Variants in ELL2 observed in about 807,000 individuals in gnomAD.
The protein encoded by ELL2 is RNA polymerase II elongation factor ELL2.
ELL2 carries 21 observed loss-of-function variants against 72.8 expected under a neutral mutation model. That is an observed-to-expected ratio of 0.29 (90% CI 0.20 to 0.42). The LOEUF (loss-of-function observed/expected upper bound fraction) is 0.42. ELL2 is among the 10% of genes least tolerant of loss of function. The pLI, the probability that ELL2 is intolerant of heterozygous loss-of-function variation, is 1.00. For synonymous variants in ELL2, 266 were observed against 283.2 expected, an observed-to-expected ratio of 0.94 and a Z score of 0.61; for missense variants, 568 against 772.8, an observed-to-expected ratio of 0.73 and a Z score of 3.14.
chr5:95,891,191 A>G lies in ELL2; in HGVS notation c.1673T>C (p.Leu558Ser). The G allele has an allele frequency of 6.2e-7, 1 of 1,614,198 alleles. No individual in the cohort carries two copies. The highest frequency in any genetic ancestry group is 8.5e-7 in the Non-Finnish European group (1 of 1,180,034). ...FNAEYDEYRA[L>S]HARMETVARR... ...AGCTACAGTCTCCATCCTGGCATGCAAAGCTCTGTACTCATCATACTCTGC... is the reference window on the plus strand; with the variant it reads ...AGCTACAGTCTCCATCCTGGCATGCGAAGCTCTGTACTCATCATACTCTGC... The change falls in exon 10 of 12, where the codon TTG becomes TCG. Residue 558 changes from leucine (L) to serine (S), a missense_variant. Coordinates refer to ENST00000237853, the MANE Select transcript of ELL2 (RefSeq NM_012081.6).
At chr5:95,950,904 G>GTATATATATATATA (rs869036736) in intron 1 of ELL2, among the ~76,000 whole-genome samples, 3 of 46,608 alleles carry the variant, frequency 6.4e-5, no homozygotes, top group African/African-American at 1.4e-4. Context: ...GTATGTATGT[G>GTATATATATATATA]TATATATATA....
rs1035837642 is a variant in ELL2, at chr5:95,898,561, G to C, written c.1204C>G (p.Pro402Ala). 6.2e-7 allele frequency: 1 copy of C among 1,613,926 alleles called. No individual in the cohort carries two copies. The highest frequency in any genetic ancestry group is 8.5e-7 in the Non-Finnish European group (1 of 1,180,034). Residue 402 changes from proline to alanine, a missense_variant, in exon 8 of 12, where the codon CCA becomes GCA. This residue lies in a region of ELL2 where 511 missense variants were observed against 728.4 expected (regional missense o/e 0.70). Transcript: ENST00000237853. The stretch of plus-strand genomic sequence containing the variant: ...AGGTCTTGAGTCCCCCGGCCTTCTG[G>C]AGTGCTAGGGGAGTTGGAGTTAGAA... The part of the protein sequence containing the change: ...VNSNSNSPST[P>A]EGRGTQDLPV...
intron 2 of ELL2, among the ~76,000 whole-genome samples, chr5:95,940,889 C>T (rs1459178575): frequency 6.6e-6 from 1 of 152,080 alleles, no homozygotes; most frequent in African/African-American, 2.4e-5. Flanking sequence ...TCCCTGTGGG[C>T]TGTGCCAACC....
chr5:95,914,052 C>T, intron 3 of ELL2, 118 bp from the exon 4 acceptor site: 1 of 822,582 alleles, frequency 1.2e-6, no homozygotes, highest in Non-Finnish European at 1.7e-6. Context: ...CCTAAAATAA[C>T]TAATATTAAT....
Position 95,886,992 on chromosome 5 carries a change from A to G in ELL2, c.*1879T>C, listed in dbSNP as rs532854279. ...GAACCACTCAGGAGACTCTATCATA[A>G]TAATATGATGCCTGAATTTATCCCC... is the stretch of plus-strand genomic sequence containing the variant. On this transcript the variant is annotated 3_prime_UTR_variant, in exon 12 of 12. Coordinates refer to ENST00000237853, the MANE Select transcript of ELL2 (RefSeq NM_012081.6). 9.8e-5 allele frequency: 15 copies of G among 152,342 alleles called. No homozygotes were observed. The East Asian group carries it at 2.9e-3, about 29-fold the overall frequency. 9.4% of individuals were successfully genotyped at this position (152,342 alleles called of 1,614,324 possible). A position where few individuals can be genotyped will look rare whatever the true frequency, so the allele number is the denominator to read the frequency against.
At chr5:95,915,676 C>G (rs1749765165) in intron 3 of ELL2, among the ~76,000 whole-genome samples, 1 of 152,194 alleles carries the variant, frequency 6.6e-6, no homozygotes, top group Non-Finnish European at 1.5e-5. Context: ...CTCACCTGGA[C>G]TTCCCAGAGG....
Position 95,905,255 on chromosome 5 carries a change from G to GTA in ELL2, c.741+1266_741+1267dup, listed in dbSNP as rs1268293376. 7.1e-3 allele frequency among the ~76,000 whole-genome samples: 998 copies of GTA among 140,048 alleles called. 9 individuals are homozygous for GTA. Among genetic ancestry groups the GTA allele is most frequent in the Middle Eastern group, 0.011 (3 of 278 alleles). The allele number at this position is 140,048 out of a possible 152,430, so 91.9% of individuals were successfully genotyped here. The stretch of plus-strand genomic sequence containing the variant: ...GATACGCGCACACACACACACACAC[G>GTA]TATATATATATATATTTAGATATCT... On this transcript the variant is annotated intron_variant, in intron 5 of 11. Coordinates refer to ENST00000237853, the MANE Select transcript of ELL2 (RefSeq NM_012081.6).
At chr5:95,907,933 C>A (rs1429581918) in intron 4 of ELL2, among the ~76,000 whole-genome samples, 2 of 152,312 alleles carry the variant, frequency 1.3e-5, no homozygotes, top group East Asian at 3.9e-4. Flanking sequence ...CCATGCTGGG[C>A]TCCCCAGGCC....
intron 5 of ELL2, 136 bp from the exon 6 acceptor site, chr5:95,901,216 T>C (rs917976409): frequency 9.1e-6 from 8 of 875,312 alleles, no homozygotes; most frequent in Non-Finnish European, 1.3e-5. Context: ...TTGTATTATA[T>C]GCCAGATCTC....
At chr5:95,937,464 T>C (rs1232766418) in intron 2 of ELL2, among the ~76,000 whole-genome samples, 1 of 150,404 alleles carries the variant, frequency 6.6e-6, no homozygotes, top group African/African-American at 2.5e-5. Context: ...TTTTAAAAAA[T>C]GTGCACTCTA....
At chr5:95,914,012 TA>T in intron 3 of ELL2, 78 bp from the exon 4 acceptor site, 1 of 1,338,852 alleles carries the variant, frequency 7.5e-7, no homozygotes, top group Non-Finnish European at 9.8e-7. Context: ...TATATAATCC[TA>T]AAATCAGCAG....
In ELL2 at chr5:95,895,316, C is replaced by G. The variant is rs190765714; in HGVS notation, c.1589+312G>C. Among the ~76,000 whole-genome samples, 370 of 152,354 alleles carry G rather than the reference C, an allele frequency of 2.4e-3. 3 individuals are homozygous for G. Among genetic ancestry groups the G allele is most frequent in the Middle Eastern group, 0.01 (3 of 294 alleles). Reference sequence around the variant, plus strand: ...AATGACTGTGCATTGATAAGACTGTCAGCTTTGAAGAGTCAGATCCCTAAA... The same window carrying G: ...AATGACTGTGCATTGATAAGACTGTGAGCTTTGAAGAGTCAGATCCCTAAA... On this transcript the variant is annotated intron_variant, in intron 9 of 11. Transcript: ENST00000237853.
chr5:95,927,798 C>A (rs530178158), intron 2 of ELL2, among the ~76,000 whole-genome samples: 7 of 57,174 alleles, frequency 1.2e-4, no homozygotes, highest in Non-Finnish European at 2.0e-4. Flanking sequence ...TAGACATACA[C>A]ACACACATAT....
Position 95,888,756 on chromosome 5 carries a change from A to T in ELL2, c.*115T>A. 1.5e-6 allele frequency: 1 copy of T among 686,570 alleles called. No homozygotes were observed. Among genetic ancestry groups the T allele is most frequent in the Non-Finnish European group, 2.3e-6 (1 of 437,352 alleles). The allele number at this position is 686,570 out of a possible 1,614,324, so 42.5% of individuals were successfully genotyped here. A position where few individuals can be genotyped will look rare whatever the true frequency, so the allele number is the denominator to read the frequency against. On this transcript the variant is annotated 3_prime_UTR_variant, in exon 12 of 12. Coordinates refer to ENST00000237853, the MANE Select transcript of ELL2 (RefSeq NM_012081.6). Reference sequence around the variant, plus strand: ...AAAGAAAAAGTAACTCAAGTTTACTAATACTGAAACTTTCAACAGCCAAAG... The same window carrying T: ...AAAGAAAAAGTAACTCAAGTTTACTTATACTGAAACTTTCAACAGCCAAAG...
intron 2 of ELL2, among the ~76,000 whole-genome samples, chr5:95,938,959 G>C (rs896792256): frequency 6.6e-6 from 1 of 152,140 alleles, no homozygotes; most frequent in African/African-American, 2.4e-5. Context: ...TGAGGCCTGA[G>C]GCAAGTCCAC....
chr5:95,925,600 G>C (rs1364764698), intron 2 of ELL2, among the ~76,000 whole-genome samples: 2 of 152,204 alleles, frequency 1.3e-5, no homozygotes, highest in African/African-American at 2.4e-5. Flanking sequence ...TAAATGAAAA[G>C]GTGGATTAAT....
chr5:95,955,094 C>A (rs1344966336), intron 1 of ELL2, among the ~76,000 whole-genome samples: 2 of 152,112 alleles, frequency 1.3e-5, no homozygotes, highest in East Asian at 3.9e-4. Context: ...GCCCTAGCTA[C>A]CACTCTTCTT....
chr5:95,917,298 T>C (rs1442497469), intron 3 of ELL2, among the ~76,000 whole-genome samples: 1 of 152,210 alleles, frequency 6.6e-6, no homozygotes, highest in Admixed American at 6.5e-5. Context: ...TTTAAAAATA[T>C]AGATAAGAAG....
At chr5:95,917,595 T>C (rs2112307637) in intron 3 of ELL2, among the ~76,000 whole-genome samples, 1 of 152,302 alleles carries the variant, frequency 6.6e-6, no homozygotes, top group Middle Eastern at 3.4e-3. Context: ...GCTAGTGCTT[T>C]TGTTTTCCTA....
Sources: gnomAD v4.1 joint callset for allele counts (sites outside exome capture counted in the v4.1 genomes callset) on GRCh38, gnomAD v4.1.1 for gene constraint, gnomAD v4.1.1 regional missense constraint, MANE v1.5 for transcripts, NCBI Gene and HGNC (gene_info 2026-07-23, HGNC 2026-07-21) for gene names.